The following PCLO variants were observed in gnomAD, a reference collection of about 807,000 sequenced individuals.
The protein encoded by PCLO is piccolo presynaptic cytomatrix protein, also known as protein piccolo.
PCLO carries 82 observed loss-of-function variants against 427.5 expected under a neutral mutation model. That is an observed-to-expected ratio of 0.19 (90% CI 0.16 to 0.23). PCLO has a LOEUF of 0.23. Among genes scored for constraint, PCLO ranks in the 10% least tolerant of loss-of-function variants. PCLO has a pLI of 1.00. For missense variants in PCLO, 6,239 were observed against 6,115.9 expected, an observed-to-expected ratio of 1.02 and a Z score of -0.67; for synonymous variants, 2,357 against 2,155.4, an observed-to-expected ratio of 1.09 and a Z score of -2.59.
At chr7:82,866,378 T>C (rs1473087971) in intron 10 of PCLO, among the ~76,000 whole-genome samples, 6 of 151,988 alleles carry the variant, frequency 3.9e-5, no homozygotes, top group Non-Finnish European at 8.8e-5. Flanking sequence ...ATGATATTAA[T>C]ATTTGTTATA....
chr7:83,011,578 A>G (rs889983262), intron 3 of PCLO, among the ~76,000 whole-genome samples: 1 of 149,418 alleles, frequency 6.7e-6, no homozygotes, highest in African/African-American at 2.5e-5. Flanking sequence ...ATGAAATGTA[A>G]ATGTCTAATA....
At chr7:83,115,263 A>G (rs1281377532) in intron 3 of PCLO, among the ~76,000 whole-genome samples, 1 of 152,116 alleles carries the variant, frequency 6.6e-6, no homozygotes, top group Non-Finnish European at 1.5e-5. Flanking sequence ...GCAGATACAA[A>G]AGAAAATTGC....
intron 2 of PCLO, among the ~76,000 whole-genome samples, chr7:83,153,696 C>T (rs1406713251): frequency 6.6e-6 from 1 of 152,068 alleles, no homozygotes; most frequent in Non-Finnish European, 1.5e-5. Context: ...AAAAATGAAT[C>T]CCTCATATTC....
chr7:82,782,988 A>G (rs1229943094), intron 22 of PCLO, among the ~76,000 whole-genome samples: 1 of 152,220 alleles, frequency 6.6e-6, no homozygotes, highest in African/African-American at 2.4e-5. Context: ...CCACATAGGA[A>G]AAACCAGAGT....
At chr7:83,132,818 T>C (rs534394550) in intron 3 of PCLO, among the ~76,000 whole-genome samples, 1 of 152,194 alleles carries the variant, frequency 6.6e-6, no homozygotes, top group East Asian at 1.9e-4. Context: ...TTGTTTAATA[T>C]ATAAAATAAA....
Position 82,902,674 on chromosome 7 carries a change from T to A in PCLO, c.13505A>T (p.Asp4502Val). 6.3e-7 allele frequency: 1 copy of A among 1,593,574 alleles called. No individual in the cohort carries two copies. Among genetic ancestry groups the A allele is most frequent in the Non-Finnish European group, 8.6e-7 (1 of 1,162,464 alleles). Residue 4502 changes from aspartate (D) to valine (V), a missense_variant, in exon 9 of 25, where the codon GAC becomes GTC. This residue lies in a region of PCLO where 877 missense variants were observed against 925.5 expected (regional missense o/e 0.95). Transcript: ENST00000333891. ...ACCTGAAACTGTGTGATCCTTTGAG[T>A]CTCTTGTTATTTTTATCCTTGCGTG... The part of the protein sequence containing the change: ...FPHARIKITR[D>V]SKDHTVSGNG...
chr7:83,014,385 G>C (rs1788157514), intron 3 of PCLO, among the ~76,000 whole-genome samples: 1 of 152,104 alleles, frequency 6.6e-6, no homozygotes, highest in Non-Finnish European at 1.5e-5. Flanking sequence ...TAAAGCACAT[G>C]GGAGGATAAA....
intron 2 of PCLO, among the ~76,000 whole-genome samples, chr7:83,149,438 A>G (rs1336332590): frequency 1.3e-5 from 2 of 152,088 alleles, no homozygotes; most frequent in Non-Finnish European, 2.9e-5. Flanking sequence ...TATACTTTAA[A>G]TCTTTTAGAA....
chr7:82,776,906 G>GCACA (rs59900491), intron 22 of PCLO, among the ~76,000 whole-genome samples: 68 of 139,342 alleles, frequency 4.9e-4, no homozygotes, highest in Middle Eastern at 7.5e-3. Flanking sequence ...ATAGATATAC[G>GCACA]CACACACACA....
At chr7:83,036,866 C>G (rs78443368) in intron 3 of PCLO, among the ~76,000 whole-genome samples, 1 of 152,214 alleles carries the variant, frequency 6.6e-6, no homozygotes, top group East Asian at 1.9e-4. Context: ...AAGGCTGCTT[C>G]TTCATGACCA....
chr7:82,974,102 T>C (rs1795964163), intron 3 of PCLO, among the ~76,000 whole-genome samples: 2 of 152,108 alleles, frequency 1.3e-5, no homozygotes, highest in African/African-American at 2.4e-5. Context: ...ACAAGATATA[T>C]ATGGCTGGGT....
chr7:83,091,397 A>G (rs1427868045), intron 3 of PCLO, among the ~76,000 whole-genome samples: 1 of 152,128 alleles, frequency 6.6e-6, no homozygotes, highest in Non-Finnish European at 1.5e-5. Flanking sequence ...CAGTACTTTG[A>G]CACTTCTGTA....
intron 3 of PCLO, among the ~76,000 whole-genome samples, chr7:83,085,739 C>G (rs1790215009): frequency 6.6e-6 from 1 of 152,028 alleles, no homozygotes; most frequent in African/African-American, 2.4e-5. Context: ...TTTAAAAAAA[C>G]ACATTAATCC....
At chr7:83,104,216 T>G (rs1295864735) in intron 3 of PCLO, among the ~76,000 whole-genome samples, 1 of 152,020 alleles carries the variant, frequency 6.6e-6, no homozygotes, top group Non-Finnish European at 1.5e-5. Context: ...AATTTGTATA[T>G]GCACCATAGA....
At chr7:82,787,621 T>C (rs939561157) in intron 22 of PCLO, among the ~76,000 whole-genome samples, 3 of 152,296 alleles carry the variant, frequency 2.0e-5, no homozygotes, top group African/African-American at 7.2e-5. Flanking sequence ...AATCTCAATC[T>C]GAGACTGCTA....
At chr7:82,795,655 C>T (rs780535887) in intron 22 of PCLO, among the ~76,000 whole-genome samples, 13 of 152,114 alleles carry the variant, frequency 8.5e-5, no homozygotes, top group Non-Finnish European at 1.8e-4. Flanking sequence ...AATGGTTTTA[C>T]TGCTCTAGTT....
At chr7:82,762,068 G>C (rs1790442754) in intron 22 of PCLO, among the ~76,000 whole-genome samples, 1 of 152,078 alleles carries the variant, frequency 6.6e-6, no homozygotes, top group Non-Finnish European at 1.5e-5. Context: ...TAGGAAGAGT[G>C]AATATAATGA....
chr7:82,952,074 G>A lies in PCLO; in HGVS notation c.8879C>T (p.Thr2960Ile). 1 of 1,613,958 alleles carries A rather than the reference G, an allele frequency of 6.2e-7. No individual in the cohort carries two copies. Among genetic ancestry groups the A allele is most frequent in the Non-Finnish European group, 8.5e-7 (1 of 1,179,856 alleles). Reference protein sequence around the residue: ...GRSCTAQQPATTLPEDRFGYR... With the variant: ...GRSCTAQQPAITLPEDRFGYR... ...ACCAAAACGATCCTCAGGAAGAGTA[G>A]TTGCAGGCTGCTGTGCTGTGCAGCT... Residue 2960 changes from threonine to isoleucine, a missense_variant, in exon 5 of 25, where the codon ACT (threonine) becomes ATT (isoleucine). This residue lies in a region of PCLO where 4,677 missense variants were observed against 4,468.4 expected (regional missense o/e 1.05). Coordinates refer to ENST00000333891, the MANE Select transcript of PCLO (RefSeq NM_033026.6).
At chr7:82,841,372 C>CT in intron 14 of PCLO, 87 bp downstream of exon 14, 1 of 791,886 alleles carries the variant, frequency 1.3e-6, no homozygotes, top group Non-Finnish European at 2.2e-6. Flanking sequence ...AAGAAAAATC[C>CT]TAACAGTGTG....
Sources: allele counts gnomAD v4.1 joint callset (sites outside exome capture counted in the v4.1 genomes callset), GRCh38; gene constraint gnomAD v4.1.1; regional missense constraint gnomAD v4.1.1; transcripts MANE v1.5; gene names NCBI Gene and HGNC (gene_info 2026-07-23, HGNC 2026-07-21).